The following METTL21A variants were observed in gnomAD, a reference collection of about 807,000 sequenced individuals.
METTL21A encodes the protein methyltransferase 21A, HSPA lysine.
A neutral mutation model predicts 20.9 loss-of-function variants in METTL21A; 22 were observed. That is an observed-to-expected ratio of 1.05 (90% CI 0.75 to 1.50). The LOEUF (loss-of-function observed/expected upper bound fraction) is 1.50, where lower values mean the gene tolerates loss of function less well. METTL21A is among the 40% of genes most tolerant of loss of function. METTL21A has a pLI of 0.00. For synonymous variants in METTL21A, 93 were observed against 102.0 expected (o/e 0.91, Z 0.53); for missense variants, 271 against 266.8 (o/e 1.02, Z -0.11).
At chr2:207,585,967 G>A (rs1372968140) in intron 3 of METTL21A, among the ~76,000 whole-genome samples, 1 of 152,126 alleles carries the variant, frequency 6.6e-6, no homozygotes. Flanking sequence ...AATAATCACT[G>A]AAGACCTCCC....
At chr2:207,594,080 A>G (rs2085632012) in intron 3 of METTL21A, among the ~76,000 whole-genome samples, 1 of 152,202 alleles carries the variant, frequency 6.6e-6, no homozygotes, top group South Asian at 2.1e-4. Flanking sequence ...CAGTCAGGAA[A>G]TTAAGGTTAA....
chr2:207,592,339 A>G (rs2247053), intron 3 of METTL21A, among the ~76,000 whole-genome samples: 128,482 of 152,118 alleles, frequency 0.84, 54,452 homozygotes, highest in East Asian at 1. Flanking sequence ...CCCGGGAGGC[A>G]GAGGTTGCAG....
At chr2:207,605,256 A>G (rs1424234117), downstream of METTL21A, among the ~76,000 whole-genome samples, 2 of 152,130 alleles carry the variant, frequency 1.3e-5, no homozygotes, top group Non-Finnish European at 1.5e-5. Context: ...AATTATAGCC[A>G]TCCTCATGGG....
chr2:207,615,001 AC>A (rs1170515664), intron 3 of METTL21A, among the ~76,000 whole-genome samples: 1 of 152,202 alleles, frequency 6.6e-6, no homozygotes, highest in African/African-American at 2.4e-5. Flanking sequence ...TTATCTTGAC[AC>A]ATAAGTTAGG....
chr2:207,606,212 C>A (rs1056074694), downstream of METTL21A, among the ~76,000 whole-genome samples: 1 of 152,206 alleles, frequency 6.6e-6, no homozygotes, highest in African/African-American at 2.4e-5. Context: ...GGGTGGCTCA[C>A]GCCTGTAATC....
intron 3 of METTL21A, among the ~76,000 whole-genome samples, chr2:207,592,533 A>T (rs2085256281): frequency 6.6e-6 from 1 of 152,184 alleles, no homozygotes; most frequent in African/African-American, 2.4e-5. Flanking sequence ...TAATATGCCT[A>T]GGGATTTTCC....
chr2:207,620,556 CT>C, intron 3 of METTL21A: 3 of 1,070,606 alleles, frequency 2.8e-6, no homozygotes, highest in Non-Finnish European at 3.9e-6. Flanking sequence ...CAGAAAGTAG[CT>C]TCATCTCCCA....
At chr2:207,600,727 G>C (rs1157739809) in intron 3 of METTL21A, 1 of 211,970 alleles carries the variant, frequency 4.7e-6, no homozygotes, top group African/African-American at 2.3e-5. Flanking sequence ...CACAATACCA[G>C]TCAGGCAGCC....
rs111513146 is a variant in METTL21A at position 207,584,265 on chromosome 2, A to G, written c.260-2105T>C. On this transcript the variant is annotated intron_variant, in intron 3 of 3. Coordinates refer to the METTL21A transcript ENST00000425132. ...TTCCAAAATGGCTGTACCATTTTAT[A>G]TTCCCACCAGGAATGTATGAGAGTT... Among the ~76,000 whole-genome samples the G allele has an allele frequency of 2.0e-5, 3 of 152,232 alleles. No homozygotes were observed. In the South Asian group the frequency reaches 6.2e-4, roughly 31 times the overall value.
chr2:207,589,095 C>T (rs1006300505), intron 3 of METTL21A, among the ~76,000 whole-genome samples: 4 of 151,996 alleles, frequency 2.6e-5, no homozygotes, highest in African/African-American at 9.7e-5. Context: ...TATTAGTTTT[C>T]TATTGCTGCA....
chr2:207,624,664 C>T (rs2090913208), intron 1 of METTL21A: 1 of 210,662 alleles, frequency 4.7e-6, no homozygotes, highest in Non-Finnish European at 9.4e-6. Context: ...ATACCCTATA[C>T]ACTGCACTGC....
exon 4 of METTL21A, chr2:207,613,153 A>C (rs780349850): frequency 1.2e-6 from 2 of 1,613,996 alleles, no homozygotes; most frequent in South Asian, 2.2e-5. Flanking sequence ...AGCATTGCTA[A>C]GAAGTTGTTA....
intron 3 of METTL21A, chr2:207,600,205 T>TGG (rs565660729): frequency 5.9e-6 from 1 of 168,792 alleles, no homozygotes; most frequent in Non-Finnish European, 1.3e-5. Context: ...TAGATATTCT[T>TGG]GGGGGGGGTG....
intron 3 of METTL21A, among the ~76,000 whole-genome samples, chr2:207,595,420 T>C: frequency 6.9e-6 from 1 of 144,344 alleles, no homozygotes; most frequent in East Asian, 1.9e-4. Context: ...ATATTCTAGA[T>C]TTTTTTTTTC....
exon 4 of METTL21A, chr2:207,582,005 C>G: frequency 1.4e-6 from 1 of 698,786 alleles, no homozygotes; most frequent in Non-Finnish European, 2.6e-6. Flanking sequence ...TATAGTGTGC[C>G]TTTCTCATAA....
chr2:207,625,793 G>A (rs1248716748), upstream of METTL21A: 1 of 152,340 alleles, frequency 6.6e-6, no homozygotes, highest in Non-Finnish European at 1.5e-5. Context: ...AGCGGATGAT[G>A]GAGACAGCTC....
Position 207,624,217 on chromosome 2 carries a change from G to C in METTL21A, c.147+12C>G. The C allele has an allele frequency of 6.3e-7, 1 of 1,592,002 alleles. No homozygotes were observed. Among genetic ancestry groups the C allele is most frequent in the South Asian group, 1.1e-5 (1 of 88,174 alleles). ...TGTGAACGTTTTCAGAGGTCCCCCA[G>C]GGCTTACTTACCGCATCCCAAACCA... On this transcript the variant is annotated intron_variant, in intron 2 of 3. Coordinates refer to ENST00000406927, the Ensembl canonical transcript of METTL21A.
chr2:207,580,727 C>T (rs2082862825), downstream of METTL21A: 2 of 223,982 alleles, frequency 8.9e-6, no homozygotes, highest in Non-Finnish European at 8.9e-6. Flanking sequence ...ATTTGTGTTG[C>T]TACAGTAACA....
At chr2:207,614,759 A>T (rs1000408351) in intron 3 of METTL21A, among the ~76,000 whole-genome samples, 1 of 152,192 alleles carries the variant, frequency 6.6e-6, no homozygotes, top group Non-Finnish European at 1.5e-5. Flanking sequence ...GCAAGCACAT[A>T]AGGTCAGGTC....
Sources: gnomAD v4.1 joint callset for allele counts (sites outside exome capture counted in the v4.1 genomes callset) on GRCh38, gnomAD v4.1.1 for gene constraint, MANE v1.5 for transcripts, NCBI Gene and HGNC (gene_info 2026-07-23, HGNC 2026-07-21) for gene names.